Variants in ERCC2 observed in about 807,000 individuals in gnomAD.
ERCC2 encodes the protein ERCC excision repair 2, TFIIH core complex helicase subunit, also known as general transcription and DNA repair factor IIH helicase subunit XPD.
A neutral mutation model predicts 99.4 loss-of-function variants in ERCC2; 90 were observed. That is an observed-to-expected ratio of 0.91 (90% confidence interval 0.76 to 1.08). ERCC2 has a LOEUF of 1.08. Among genes scored for constraint, ERCC2 ranks in the 50% least tolerant of loss-of-function variants. The pLI, the probability that ERCC2 is intolerant of heterozygous loss-of-function variation, is 0.00. For synonymous variants in ERCC2, 497 were observed against 432.4 expected, an observed-to-expected ratio of 1.15 and a Z score of -1.85; for missense variants, 993 against 1,038.1, an observed-to-expected ratio of 0.96 and a Z score of 0.60.
chr19:45,367,221 G>T (rs12977571), intron 5 of ERCC2, among the ~76,000 whole-genome samples: 2 of 152,010 alleles, frequency 1.3e-5, no homozygotes, highest in Non-Finnish European at 2.9e-5. Flanking sequence ...TGTAATCCTA[G>T]CTACTCAGGA....
At position 45,357,210 on chromosome 19, in the gene ERCC2, G is replaced by A. The variant is rs1972040865; in HGVS notation, c.1479+60C>T. On this transcript the variant is annotated intron_variant, in intron 15 of 22. Transcript: ENST00000391945. ...TGAGCAGTGGGGGAAGCCAAGGAAG[G>A]AGGGCGGCCCCTTGCCCCCATCTCC... The A allele has an allele frequency of 4.0e-6, 5 of 1,252,686 alleles. No homozygotes were observed. In the Admixed American group the frequency reaches 5.7e-5, roughly 14 times the overall value. 77.6% of individuals were successfully genotyped at this position (1,252,686 alleles called of 1,614,324 possible).
intron 12 of ERCC2, among the ~76,000 whole-genome samples, chr19:45,359,626 C>A (rs1425886660): frequency 6.6e-6 from 1 of 152,194 alleles, no homozygotes; most frequent in Non-Finnish European, 1.5e-5. Flanking sequence ...AGGCACCACG[C>A]TCCCCATATC....
intron 17 of ERCC2, 136 bp downstream of exon 17, chr19:45,354,594 T>G (rs1829843085): frequency 1.2e-5 from 13 of 1,117,860 alleles, no homozygotes; most frequent in Non-Finnish European, 1.6e-5. Flanking sequence ...TACACCCCAT[T>G]CCTACATGCT....
rs528646384 is a variant in ERCC2, at chr19:45,370,490, A to ACC, written c.5+44_5+45dup. The ACC allele has an allele frequency of 2.0e-6, 3 of 1,520,252 alleles. No individual in the cohort carries two copies. In the South Asian group the frequency reaches 3.6e-5, roughly 18 times the overall value. 94.2% of individuals were successfully genotyped at this position (1,520,252 alleles called of 1,614,324 possible). A position where few individuals can be genotyped will look rare whatever the true frequency, so the allele number is the denominator to read the frequency against. On this transcript the variant is annotated intron_variant, in intron 1 of 22. Coordinates refer to ENST00000391945, the MANE Select transcript of ERCC2 (RefSeq NM_000400.4). ...GCCCACCGATGACCCCATCTTCAAG[A>ACC]CCCCCCGCGCCCGCTAGCGAGCGCG...
chr19:45,361,682 G>A (rs1972226729), intron 11 of ERCC2, 40 bp from the exon 12 acceptor site: 13 of 1,421,194 alleles, frequency 9.1e-6, no homozygotes, highest in Non-Finnish European at 1.3e-5. Context: ...GCAGACGGAA[G>A]CATGAGCAGG....
intron 12 of ERCC2, among the ~76,000 whole-genome samples, chr19:45,360,144 G>T (rs1172854313): frequency 6.9e-6 from 1 of 144,920 alleles, no homozygotes. Context: ...GCAGTGGCAC[G>T]ATCTCGGCTC....
Position 45,363,886 on chromosome 19 carries a change from C to A in ERCC2, c.975G>T (p.Thr325=). 6.5e-7 allele frequency: 1 copy of A among 1,549,798 alleles called. No individual in the cohort carries two copies. Among genetic ancestry groups the A allele is most frequent in the Non-Finnish European group, 8.7e-7 (1 of 1,154,544 alleles). The stretch of plus-strand genomic sequence containing the variant: ...TCAGGAAGCCCAGGAAATGCTCGGC[C>A]GTGCGGATGGAGCCAGGCACTGCCT... ...LQEAVPGSIR[T]AEHFLGFLRR... Residue 325 remains threonine (T), a synonymous_variant, in exon 11 of 23, where the codon ACG becomes ACT. Transcript: ENST00000391945.
intron 12 of ERCC2, among the ~76,000 whole-genome samples, chr19:45,360,784 G>A (rs939374353): frequency 6.6e-6 from 1 of 152,060 alleles, no homozygotes; most frequent in Non-Finnish European, 1.5e-5. Flanking sequence ...ATTCCAAAGT[G>A]CTGGGATTAC....
At chr19:45,360,905 G>A (rs930610536) in intron 12 of ERCC2, among the ~76,000 whole-genome samples, 15 of 152,172 alleles carry the variant, frequency 9.9e-5, no homozygotes, top group Middle Eastern at 3.4e-3. Context: ...GGCCGAGGCC[G>A]GTGGATCATG....
chr19:45,360,048 T>C (rs1212093036), intron 12 of ERCC2, among the ~76,000 whole-genome samples: 6 of 151,526 alleles, frequency 4.0e-5, no homozygotes, highest in Non-Finnish European at 8.8e-5. Flanking sequence ...GTGCTGGGAT[T>C]ACAGACATGA....
At chr19:45,365,489 T>C (rs1331406868) in intron 5 of ERCC2, among the ~76,000 whole-genome samples, 1 of 152,152 alleles carries the variant, frequency 6.6e-6, no homozygotes, top group Non-Finnish European at 1.5e-5. Context: ...CACATGCCTG[T>C]AATCCCAGTT....
intron 22 of ERCC2, 47 bp downstream of exon 22, chr19:45,352,162 G>C (rs376457828): frequency 6.2e-7 from 1 of 1,605,828 alleles, no homozygotes; most frequent in Non-Finnish European, 8.5e-7. Context: ...CTTTCTGGAG[G>C]AGAAGCTCAG....
At chr19:45,363,696 A>ACCGGGACCTG in intron 11 of ERCC2, 47 bp downstream of exon 11, 2 of 1,514,684 alleles carry the variant, frequency 1.3e-6, no homozygotes, top group Non-Finnish European at 1.8e-6. Flanking sequence ...GCTCTGCATA[A>ACCGGGACCTG]CCGGGACCTG....
In ERCC2 at chr19:45,361,568, G is replaced by A. The variant is rs756881748; in HGVS notation, c.1193C>T (p.Thr398Ile). Residue 398 changes from threonine to isoleucine, a missense_variant, in exon 12 of 23, where the codon ACC (threonine) becomes ATC (isoleucine). Physicochemically the swap from Thr to Ile is moderately conservative, Grantham distance 89. Transcript: ENST00000391945. The stretch of plus-strand genomic sequence containing the variant: ...AAGGGTGGCAAAGTTAGCAAGGAGG[G>A]TGAGCGGGGAGAAGTCAGCAAGGTC... ...ITDLADFSPL[T>I]LLANFATLVS... 26 of 1,613,952 alleles carry A rather than the reference G, an allele frequency of 1.6e-5. No individual in the cohort carries two copies. Among genetic ancestry groups the A allele is most frequent in the Non-Finnish European group, 2.2e-5 (26 of 1,179,946 alleles).
chr19:45,351,853 A>AT, intron 22 of ERCC2, 132 bp from the exon 23 acceptor site: 1 of 808,626 alleles, frequency 1.2e-6, no homozygotes, highest in Non-Finnish European at 2.0e-6. Context: ...AGATGTCCGT[A>AT]TAATCCAGAG....
chr19:45,363,588 C>T lies in ERCC2; in HGVS notation c.1118+155G>A, dbSNP rs1444643705. ...ATCAGCTCCAACCTTGCTCCCGGAC[C>T]TCCCAGGTCAGACCAGACAAGGTCC... is the stretch of plus-strand genomic sequence containing the variant. On this transcript the variant is annotated intron_variant, in intron 11 of 22. Coordinates refer to ENST00000391945, the MANE Select transcript of ERCC2 (RefSeq NM_000400.4). Among the ~76,000 whole-genome samples, 5 of 152,244 alleles carry T rather than the reference C, an allele frequency of 3.3e-5. No homozygotes were observed. In the East Asian group the frequency reaches 7.7e-4, roughly 23 times the overall value.
intron 5 of ERCC2, 52 bp from the exon 6 acceptor site, chr19:45,365,210 C>G (rs1376262925): frequency 1.4e-6 from 2 of 1,428,416 alleles, no homozygotes; most frequent in African/African-American, 1.4e-5. Context: ...CCCAACCACT[C>G]TTCAAACCCT....
Position 45,351,052 on chromosome 19 carries a change from C to T in ERCC2, c.*577G>A, listed in dbSNP as rs1214415903. On this transcript the variant is annotated 3_prime_UTR_variant, in exon 23 of 23. Transcript: ENST00000391945. ...ACATCTGGGTCAAAAATAGAGGAGG[C>T]CATGTGGGTAGGTGCAGAGATGAGG... is the stretch of plus-strand genomic sequence containing the variant. 1.2e-6 allele frequency: 2 copies of T among 1,613,726 alleles called. No homozygotes were observed. Among genetic ancestry groups the T allele is most frequent in the Non-Finnish European group, 1.7e-6 (2 of 1,179,896 alleles).
chr19:45,351,765 G>A lies in ERCC2; in HGVS notation c.2191-44C>T, dbSNP rs1449113723. 6 of 1,577,422 alleles carry A rather than the reference G, an allele frequency of 3.8e-6. No individual in the cohort carries two copies. The East Asian group carries it at 1.3e-4, about 35-fold the overall frequency. On this transcript the variant is annotated intron_variant, in intron 22 of 22. Transcript: ENST00000391945. ...AGGGAGAGGGGGGCACTGTTGGGCA[G>A]GGGCCCAGGCAGCTGCTGCACTTCC...
Sources: gnomAD v4.1 joint callset for allele counts (sites outside exome capture counted in the v4.1 genomes callset) on GRCh38, gnomAD v4.1.1 for gene constraint, MANE v1.5 for transcripts, NCBI Gene and HGNC (gene_info 2026-07-23, HGNC 2026-07-21) for gene names.